Variants in NTN1 observed in about 807,000 individuals in gnomAD.
The protein encoded by NTN1 is netrin 1, also known as netrin-1.
NTN1 carries 11 observed loss-of-function variants against 54.2 expected under a neutral mutation model. The ratio of observed to expected loss-of-function variants is 0.20; its 90% CI spans 0.13 to 0.34. The LOEUF is 0.34. Among genes scored for constraint, NTN1 ranks in the 10% least tolerant of loss-of-function variants. The pLI is 1.00. For missense variants in NTN1, 740 were observed against 893.1 expected (o/e 0.83, Z 2.18); for synonymous variants, 371 against 382.0 (o/e 0.97, Z 0.33).
At position 9,243,400 on chromosome 17, in the gene NTN1, CTG is replaced by C. The variant is rs1426554650; in HGVS notation, c.*3433_*3434del. The C allele has an allele frequency of 6.6e-6, 1 of 150,422 alleles. No individual in the cohort carries two copies. The highest frequency in any genetic ancestry group is 2.4e-5 in the African/African-American group (1 of 41,108). The allele number at this position is 150,422 out of a possible 1,614,324, so 9.3% of individuals were successfully genotyped here. Reference sequence around the variant, plus strand: ...GGAGTTGTCCCAGGTTGGAATGAGACTGAACTCAAGAAGAGACCCTAAGGGAC... The same window carrying C: ...GGAGTTGTCCCAGGTTGGAATGAGACAACTCAAGAAGAGACCCTAAGGGAC... On this transcript the variant is annotated 3_prime_UTR_variant, in exon 7 of 7. Coordinates refer to ENST00000173229, the MANE Select transcript of NTN1 (RefSeq NM_004822.3).
At chr17:9,158,057 G>A (rs959584586) in intron 2 of NTN1, among the ~76,000 whole-genome samples, 1 of 152,194 alleles carries the variant, frequency 6.6e-6, no homozygotes. Context: ...CATCTGTGCA[G>A]AGAAAATAAA....
At chr17:9,158,712 C>A (rs2092350129) in intron 2 of NTN1, among the ~76,000 whole-genome samples, 1 of 152,022 alleles carries the variant, frequency 6.6e-6, no homozygotes, top group South Asian at 2.1e-4. Context: ...CCTTGTCTGG[C>A]AGAGTGAGTC....
intron 2 of NTN1, among the ~76,000 whole-genome samples, chr17:9,031,568 C>T (rs1437844079): frequency 6.6e-6 from 1 of 152,190 alleles, no homozygotes; most frequent in African/African-American, 2.4e-5. Flanking sequence ...CCCCAACCTG[C>T]AGACAGAGAA....
At chr17:9,172,667 A>T (rs1301062143) in intron 3 of NTN1, 2 of 152,240 alleles carry the variant, frequency 1.3e-5, no homozygotes, top group Non-Finnish European at 2.9e-5. Flanking sequence ...AGACGGGCAG[A>T]TCACAAATAA....
intron 2 of NTN1, among the ~76,000 whole-genome samples, chr17:9,090,632 G>C (rs1199771684): frequency 3.9e-5 from 6 of 152,098 alleles, no homozygotes; most frequent in Non-Finnish European, 8.8e-5. Flanking sequence ...CCACTCAGGA[G>C]ACCTTGCTAA....
upstream of NTN1, among the ~76,000 whole-genome samples, chr17:9,021,242 G>A (rs1475868067): frequency 6.6e-6 from 1 of 151,710 alleles, no homozygotes; most frequent in Admixed American, 6.6e-5. Context: ...TCCCCCACGG[G>A]GTGCGCGCCT....
chr17:9,222,849 G>C (rs953497890), intron 6 of NTN1, among the ~76,000 whole-genome samples: 3 of 152,164 alleles, frequency 2.0e-5, no homozygotes, highest in African/African-American at 7.2e-5. Context: ...GTATCTAAAG[G>C]AATCTGGAGA....
chr17:9,203,107 G>C (rs143888863), intron 5 of NTN1, among the ~76,000 whole-genome samples: 184 of 151,996 alleles, frequency 1.2e-3, no homozygotes, highest in African/African-American at 3.8e-3. Context: ...ATTTTTACTA[G>C]AGATGGGGTT....
the NTN1 span, among the ~76,000 whole-genome samples, chr17:9,006,603 C>A: frequency 1.3e-5 from 2 of 152,124 alleles, no homozygotes; most frequent in African/African-American, 4.8e-5. Flanking sequence ...GCCAACATGA[C>A]GTGCAACATG....
Position 9,136,311 on chromosome 17 carries a change from C to T in NTN1, c.1019-26502C>T, listed in dbSNP as rs577992678. On this transcript the variant is annotated intron_variant, in intron 2 of 6. Transcript: ENST00000173229. ...TAGTGTGGCTGAGTGTGGTGGCTCA[C>T]GCCTGTAATCCCAGCATTTTGGGAG... is the stretch of plus-strand genomic sequence containing the variant. 9.2e-5 allele frequency among the ~76,000 whole-genome samples: 14 copies of T among 152,320 alleles called. No homozygotes were observed. The East Asian group carries it at 1.7e-3, about 19-fold the overall frequency.
chr17:9,103,953 A>G (rs4791785), intron 2 of NTN1, among the ~76,000 whole-genome samples: 109,412 of 151,540 alleles, frequency 0.72, 39,950 homozygotes, highest in East Asian at 0.96. Context: ...GCCAGGTGTG[A>G]TGGTGGATGC....
intron 2 of NTN1, among the ~76,000 whole-genome samples, chr17:9,105,916 A>C (rs2092164676): frequency 6.7e-6 from 1 of 149,842 alleles, no homozygotes; most frequent in South Asian, 2.1e-4. Flanking sequence ...TTCCGATTTA[A>C]AAAAAAAAAG....
chr17:9,217,854 CAAAA>C lies in NTN1; in HGVS notation c.1412-3295_1412-3292del, dbSNP rs11354107. 6.9e-3 allele frequency among the ~76,000 whole-genome samples: 656 copies of C among 95,744 alleles called. 4 individuals are homozygous for C. The highest frequency in any genetic ancestry group is 0.027 in the African/African-American group (624 of 22,810). 62.8% of individuals were successfully genotyped at this position (95,744 alleles called of 152,430 possible). A position where few individuals can be genotyped will look rare whatever the true frequency, so the allele number is the denominator to read the frequency against. On this transcript the variant is annotated intron_variant, in intron 5 of 6. Coordinates refer to ENST00000173229, the MANE Select transcript of NTN1 (RefSeq NM_004822.3). Reference sequence around the variant, plus strand: ...TCCAGCTGACAGAAAGGAAAGACACCAAAAAAAAAAAAAAAAAAAAAAGCAAACG... The same window carrying C: ...TCCAGCTGACAGAAAGGAAAGACACCAAAAAAAAAAAAAAAAAAGCAAACG...
At chr17:9,151,883 A>AAAC (rs1567722992) in intron 2 of NTN1, among the ~76,000 whole-genome samples, 1 of 152,172 alleles carries the variant, frequency 6.6e-6, no homozygotes, top group Non-Finnish European at 1.5e-5. Context: ...AGCGCTCTGT[A>AAAC]AAACACACCA....
intron 2 of NTN1, among the ~76,000 whole-genome samples, chr17:9,075,171 C>G (rs146120693): frequency 2.3e-3 from 354 of 152,278 alleles, no homozygotes; most frequent in Non-Finnish European, 3.2e-3. Flanking sequence ...CCTCCTCTCC[C>G]GGTTCTTCCA....
Position 9,243,186 on chromosome 17 carries a change from C to G in NTN1, c.*3218C>G, listed in dbSNP as rs1172420312. The stretch of plus-strand genomic sequence containing the variant: ...ACCTGCTGGCTGTGGTCTCTGCCCA[C>G]TGCTTCTGTCCTTGGAAAGCAGGGC... On this transcript the variant is annotated 3_prime_UTR_variant, in exon 7 of 7. Coordinates refer to ENST00000173229, the MANE Select transcript of NTN1 (RefSeq NM_004822.3). The G allele has an allele frequency of 1.3e-5, 2 of 152,188 alleles. No individual in the cohort carries two copies. The highest frequency in any genetic ancestry group is 4.8e-5 in the African/African-American group (2 of 41,438). 9.4% of individuals were successfully genotyped at this position (152,188 alleles called of 1,614,324 possible).
In NTN1 at chr17:9,243,320, C is replaced by T. The variant is rs954390000; in HGVS notation, c.*3352C>T. 1.3e-5 allele frequency: 2 copies of T among 152,228 alleles called. No homozygotes were observed. The highest frequency in any genetic ancestry group is 2.9e-5 in the Non-Finnish European group (2 of 68,094). 9.4% of individuals were successfully genotyped at this position (152,228 alleles called of 1,614,324 possible). On this transcript the variant is annotated 3_prime_UTR_variant, in exon 7 of 7. Transcript: ENST00000173229. Reference sequence around the variant, plus strand: ...GGAGGCTGGGAGCTGCTCCAAGGCCCTGGAACTCTGCCTCAGTCGCGGCAT... The same window carrying T: ...GGAGGCTGGGAGCTGCTCCAAGGCCTTGGAACTCTGCCTCAGTCGCGGCAT...
chr17:9,120,372 T>C (rs1219776837), intron 2 of NTN1, among the ~76,000 whole-genome samples: 1 of 151,804 alleles, frequency 6.6e-6, no homozygotes, highest in Non-Finnish European at 1.5e-5. Flanking sequence ...TACCCAAGAC[T>C]TGGCACATTG....
rs536675173 is a variant in NTN1, at chr17:9,179,604, G to A, written c.1208-203G>A. 4.1e-4 allele frequency among the ~76,000 whole-genome samples: 62 copies of A among 152,286 alleles called. 1 individual carries two copies. Among genetic ancestry groups the A allele is most frequent in the African/African-American group, 1.4e-3 (60 of 41,564 alleles). ...CAGTCTCTTCAGGTCGGTCCATTTT[G>A]GTTTTTATTCTCCGTTTCCAGGTAG... On this transcript the variant is annotated intron_variant, in intron 3 of 6. Coordinates refer to ENST00000173229, the MANE Select transcript of NTN1 (RefSeq NM_004822.3).
Sources: allele counts gnomAD v4.1 joint callset (sites outside exome capture counted in the v4.1 genomes callset), GRCh38; gene constraint gnomAD v4.1.1; transcripts MANE v1.5; gene names NCBI Gene and HGNC (gene_info 2026-07-23, HGNC 2026-07-21).